TSPEAR: variants seen among roughly 807,000 people sequenced by gnomAD.
The protein encoded by TSPEAR is thrombospondin type laminin G domain and EAR repeats.
A neutral mutation model predicts 71.6 loss-of-function variants in TSPEAR; 69 were observed. That is an observed-to-expected ratio of 0.96 (90% confidence interval 0.79 to 1.18). The LOEUF (loss-of-function observed/expected upper bound fraction) is 1.18. TSPEAR is among the 50% of genes most tolerant of loss of function. The pLI is 0.00. For missense variants in TSPEAR, 971 were observed against 894.9 expected (o/e 1.09, Z -1.09); for synonymous variants, 402 against 387.2 (o/e 1.04, Z -0.45).
At chr21:44,633,788 A>G (rs1480832815) in intron 1 of TSPEAR, among the ~76,000 whole-genome samples, 2 of 152,092 alleles carry the variant, frequency 1.3e-5, no homozygotes, top group African/African-American at 4.8e-5. Flanking sequence ...ATCTAGTTCT[A>G]TTTAAAAATT....
chr21:44,580,573 G>A lies in TSPEAR; in HGVS notation c.83-12568C>T, dbSNP rs200015405. On this transcript the variant is annotated intron_variant, in intron 1 of 11. Coordinates refer to ENST00000323084, the MANE Select transcript of TSPEAR (RefSeq NM_144991.3). ...TGGAGCAGACGGACATGGTGCACGC[G>A]GCCATGCTGGGGTGGGGAAGACGTG... 122 of 1,608,272 alleles carry A rather than the reference G, an allele frequency of 7.6e-5. 1 individual carries two copies. Among genetic ancestry groups the A allele is most frequent in the East Asian group, 4.9e-4 (22 of 44,852 alleles).
At chr21:44,578,987 C>A (rs1336313164) in intron 1 of TSPEAR, among the ~76,000 whole-genome samples, 1 of 152,238 alleles carries the variant, frequency 6.6e-6, no homozygotes, top group Admixed American at 6.5e-5. Flanking sequence ...ATGATGCTTT[C>A]GTCCTGATCG....
intron 2 of TSPEAR, chr21:44,539,270 C>G: frequency 2.5e-6 from 4 of 1,598,088 alleles, no homozygotes; most frequent in Non-Finnish European, 2.6e-6. Context: ...GGGTGCCCAT[C>G]AGCAGCTGGA....
Position 44,612,795 on chromosome 21 carries a change from C to T in TSPEAR, c.83-44790G>A, listed in dbSNP as rs1981802679. On this transcript the variant is annotated intron_variant, in intron 1 of 11. Coordinates refer to ENST00000323084, the MANE Select transcript of TSPEAR (RefSeq NM_144991.3). The surrounding 1 kb of genome is among the most constrained non-coding windows in gnomAD (Gnocchi z 4.1). ...CCTGTCCCCTCCTGTTGTGTCCCTGCCTCCTCCTGCCAGCCCAGCTGCTGC... is the reference window on the plus strand; with the variant it reads ...CCTGTCCCCTCCTGTTGTGTCCCTGTCTCCTCCTGCCAGCCCAGCTGCTGC... 1.2e-6 allele frequency: 2 copies of T among 1,613,504 alleles called. No homozygotes were observed. The highest frequency in any genetic ancestry group is 1.1e-5 in the South Asian group (1 of 91,044).
At chr21:44,600,467 A>G (rs1813906185) in intron 1 of TSPEAR, 1 of 902,578 alleles carries the variant, frequency 1.1e-6, no homozygotes, top group African/African-American at 1.7e-5. Flanking sequence ...TTAAACACAA[A>G]CAAGGAAGGG....
rs1555950707 is a variant in TSPEAR at position 44,697,196 on chromosome 21, T to A, written c.82+14237A>T. 3 of 1,612,808 alleles carry A rather than the reference T, an allele frequency of 1.9e-6. No homozygotes were observed. The South Asian group carries it at 3.3e-5, about 18-fold the overall frequency. Reference sequence around the variant, plus strand: ...CAGCTCAACCCCCAGCACGGCTGCATCCACCATGTCCGTCTGCTCCAGCGA... The same window carrying A: ...CAGCTCAACCCCCAGCACGGCTGCAACCACCATGTCCGTCTGCTCCAGCGA... On this transcript the variant is annotated intron_variant, in intron 1 of 11. Coordinates refer to ENST00000323084, the MANE Select transcript of TSPEAR (RefSeq NM_144991.3).
At chr21:44,595,771 CATACAT>C in intron 1 of TSPEAR, among the ~76,000 whole-genome samples, 1 of 152,342 alleles carries the variant, frequency 6.6e-6, no homozygotes, top group South Asian at 2.1e-4. Context: ...TGCACATACA[CATACAT>C]ACATATAATG....
At chr21:44,583,225 G>C (rs984060032) in intron 1 of TSPEAR, among the ~76,000 whole-genome samples, 1 of 152,228 alleles carries the variant, frequency 6.6e-6, no homozygotes, top group East Asian at 1.9e-4. Flanking sequence ...CCCTGGCTGG[G>C]GGAGGGAGGT....
rs538421970 is a variant in TSPEAR at position 44,709,689 on chromosome 21, G to A, written c.82+1744C>T. ...TGAGACGGCGCAGCCACGGCCCGGT[G>A]CCTTCACGCGCACAGCGACACAGCC... On this transcript the variant is annotated intron_variant, in intron 1 of 11. Coordinates refer to ENST00000323084, the MANE Select transcript of TSPEAR (RefSeq NM_144991.3). 2.1e-4 allele frequency among the ~76,000 whole-genome samples: 32 copies of A among 152,388 alleles called. 1 individual carries two copies. The South Asian group carries it at 6.2e-3, about 30-fold the overall frequency.
intron 1 of TSPEAR, chr21:44,579,670 C>T: frequency 1.3e-6 from 2 of 1,510,372 alleles, no homozygotes; most frequent in Non-Finnish European, 1.8e-6. Context: ...GGGCCCCGTC[C>T]CAAGCGGGGG....
Position 44,647,191 on chromosome 21 carries a change from T to G in TSPEAR, c.82+64242A>C, listed in dbSNP as rs781830839. ...TGTGTCCCTCCTCTGCCACCCCGTG[T>G]GCAGGTCCACCTGCTGTGTGCCCGT... On this transcript the variant is annotated intron_variant, in intron 1 of 11. Transcript: ENST00000323084. The G allele has an allele frequency of 1.5e-5, 24 of 1,613,888 alleles. No homozygotes were observed. The East Asian group carries it at 5.1e-4, about 34-fold the overall frequency.
rs781930442 is a variant in TSPEAR, at chr21:44,528,517, C to G, written c.857G>C (p.Trp286Ser). 7.4e-6 allele frequency: 12 copies of G among 1,614,082 alleles called. No individual in the cohort carries two copies. The Admixed American group carries it at 1.8e-4, about 25-fold the overall frequency. Residue 286 changes from tryptophan to serine, a missense_variant, in exon 6 of 12, where the codon TGG becomes TCG. Physicochemically the swap from Trp to Ser is radical, Grantham distance 177. Transcript: ENST00000323084. Reference protein sequence around the residue: ...PCTEVEDAQFWFDASRKGLYL... With the variant: ...PCTEVEDAQFSFDASRKGLYL... ...CAGGCCCTTCCGGCTGGCATCAAAC[C>G]AGAACTGGGCGTCTTCCACCTCGGT...
In TSPEAR at chr21:44,600,997, G is replaced by A. The variant is rs369839278; in HGVS notation, c.83-32992C>T. The A allele has an allele frequency of 1.6e-5, 25 of 1,611,848 alleles. 1 individual carries two copies. The African/African-American group carries it at 2.3e-4, about 15-fold the overall frequency. ...TGTCTGCTGCAAGCCTGTGTACTGT[G>A]TGCCTGTCTGCAGTGGGGATTCTTC... On this transcript the variant is annotated intron_variant, in intron 1 of 11. Coordinates refer to ENST00000323084, the MANE Select transcript of TSPEAR (RefSeq NM_144991.3).
chr21:44,517,965 C>CTTTT (rs1227687862), intron 9 of TSPEAR: 2 of 415,902 alleles, frequency 4.8e-6, no homozygotes, highest in Non-Finnish European at 4.9e-6. Context: ...TTTTCTAGAA[C>CTTTT]TTTGGTTAGC....
intron 11 of TSPEAR, among the ~76,000 whole-genome samples, chr21:44,502,666 C>T (rs2052056401): frequency 6.6e-6 from 1 of 152,264 alleles, no homozygotes. Context: ...GTGGCTACAC[C>T]CGGGGCAGGG....
intron 1 of TSPEAR, among the ~76,000 whole-genome samples, chr21:44,640,148 G>C (rs2146226402): frequency 6.6e-6 from 1 of 152,286 alleles, no homozygotes; most frequent in Admixed American, 6.5e-5. Flanking sequence ...TCCATCAGAG[G>C]ATGAATGGAC....
At chr21:44,613,275 CG>C (rs1981845333) in intron 1 of TSPEAR, among the ~76,000 whole-genome samples, 11 of 152,220 alleles carry the variant, frequency 7.2e-5, no homozygotes. Context: ...CAGCCATGAC[CG>C]TTTCTAGGAG....
At chr21:44,608,711 A>T (rs1176332800) in intron 1 of TSPEAR, among the ~76,000 whole-genome samples, 1 of 152,230 alleles carries the variant, frequency 6.6e-6, no homozygotes, top group Admixed American at 6.5e-5. Flanking sequence ...TCCAAAATAA[A>T]CAAATTTTAA....
chr21:44,700,089 C>G (rs1229911436), intron 1 of TSPEAR, among the ~76,000 whole-genome samples: 4 of 152,198 alleles, frequency 2.6e-5, no homozygotes, highest in Non-Finnish European at 5.9e-5. Context: ...ACGCCCCGTG[C>G]TTTGAGAGTG....
Sources: allele counts gnomAD v4.1 joint callset (sites outside exome capture counted in the v4.1 genomes callset), GRCh38; gene constraint gnomAD v4.1.1; non-coding constraint Gnocchi (gnomAD v3.1); transcripts MANE v1.5; gene names NCBI Gene and HGNC (gene_info 2026-07-23, HGNC 2026-07-21).